The following THSD7A variants were observed in gnomAD, a reference collection of about 807,000 sequenced individuals.
The protein encoded by THSD7A is thrombospondin type 1 domain containing 7A.
In THSD7A, 96 loss-of-function variants were observed where a neutral mutation model predicts 231.3. The observed-to-expected ratio is 0.41, with a 90% CI of 0.35 to 0.49. The LOEUF is 0.49. Ranked by LOEUF, THSD7A falls within the 20% of genes least tolerant of loss-of-function variation. THSD7A has a pLI of 0.05. For missense variants in THSD7A, 2,290 were observed against 2,070.2 expected (o/e 1.11, Z -2.06); for synonymous variants, 940 against 743.3 (o/e 1.26, Z -4.30).
At chr7:11,823,494 TG>T (rs1784931781) in intron 1 of THSD7A, among the ~76,000 whole-genome samples, 1 of 152,064 alleles carries the variant, frequency 6.6e-6, no homozygotes, top group South Asian at 2.1e-4. Context: ...CTGTGAAACA[TG>T]GCATTGGTAT....
At chr7:11,530,099 A>T (rs1316453713) in intron 6 of THSD7A, among the ~76,000 whole-genome samples, 2 of 152,222 alleles carry the variant, frequency 1.3e-5, no homozygotes, top group African/African-American at 2.4e-5. Context: ...ACCGGTCTCC[A>T]GAAAGTTAAA....
intron 18 of THSD7A, among the ~76,000 whole-genome samples, chr7:11,412,057 C>T (rs907566553): frequency 2.0e-5 from 3 of 151,998 alleles, no homozygotes; most frequent in Non-Finnish European, 2.9e-5. Context: ...TCGTGTTGCC[C>T]CAATTCATAT....
At chr7:11,514,928 C>G (rs58658066) in intron 6 of THSD7A, among the ~76,000 whole-genome samples, 18,220 of 152,124 alleles carry the variant, frequency 0.12, 1,147 homozygotes, top group Middle Eastern at 0.16. Context: ...ACAGTGCCTT[C>G]TGTTACTCCA....
chr7:11,433,398 G>A (rs1410282205), intron 13 of THSD7A, among the ~76,000 whole-genome samples: 2 of 151,878 alleles, frequency 1.3e-5, no homozygotes, highest in African/African-American at 2.4e-5. Flanking sequence ...CTTTAAATAA[G>A]TTATAGTTTA....
In THSD7A at chr7:11,831,791, C is replaced by T. The variant is rs1204003508; in HGVS notation, c.156G>A (p.Glu52=). 7.4e-6 allele frequency: 11 copies of T among 1,477,634 alleles called. No homozygotes were observed. Among genetic ancestry groups the T allele is most frequent in the Non-Finnish European group, 9.9e-6 (11 of 1,111,182 alleles). The allele number at this position is 1,477,634 out of a possible 1,614,324, so 91.5% of individuals were successfully genotyped here. ...PGAGRAAAQG[E]AEAPTLYLWK... ...ACAGATAGAGGGTGGGCGCCTCCGC[C>T]TCGCCCTGCGCCGCAGCCCTGCCGG... Residue 52 remains glutamate (E), a synonymous_variant, in exon 1 of 28, where the codon GAG becomes GAA. Coordinates refer to ENST00000423059, the MANE Select transcript of THSD7A (RefSeq NM_015204.3). The surrounding 1 kb of genome is among the most constrained non-coding windows in gnomAD (Gnocchi z 5.0).
At chr7:11,539,592 T>C (rs917747488) in intron 6 of THSD7A, among the ~76,000 whole-genome samples, 1 of 152,222 alleles carries the variant, frequency 6.6e-6, no homozygotes, top group Non-Finnish European at 1.5e-5. Context: ...GCTTGTTTTT[T>C]AGTGTTTTTT....
intron 1 of THSD7A, among the ~76,000 whole-genome samples, chr7:11,671,980 C>G (rs989605055): frequency 2.6e-5 from 4 of 152,120 alleles, no homozygotes; most frequent in African/African-American, 9.7e-5. Context: ...CTTCATTTCT[C>G]TCACTTTTTA....
chr7:11,375,946 G>GA (rs1404974048), intron 27 of THSD7A, 68 bp from the exon 28 acceptor site: 39 of 1,456,570 alleles, frequency 2.7e-5, no homozygotes, highest in Admixed American at 3.7e-5. Flanking sequence ...TGCTTTAAGC[G>GA]AAAAAAAAGT....
At chr7:11,380,026 T>C (rs1168298113) in intron 24 of THSD7A, among the ~76,000 whole-genome samples, 1 of 152,198 alleles carries the variant, frequency 6.6e-6, no homozygotes, top group Non-Finnish European at 1.5e-5. Flanking sequence ...CAGGAGCACA[T>C]GAATCCAAGT....
intron 4 of THSD7A, among the ~76,000 whole-genome samples, chr7:11,564,463 C>T (rs754233100): frequency 2.0e-5 from 3 of 152,208 alleles, no homozygotes; most frequent in Non-Finnish European, 4.4e-5. Context: ...CTTCAGTCTT[C>T]ACTCTTCCAA....
At position 11,412,663 on chromosome 7, in the gene THSD7A, A is replaced by G. The variant is rs1457750427; in HGVS notation, c.3675T>C (p.Asn1225=). 1.2e-6 allele frequency: 2 copies of G among 1,613,660 alleles called. No homozygotes were observed. Among genetic ancestry groups the G allele is most frequent in the East Asian group, 2.2e-5 (1 of 44,880 alleles). Residue 1225 remains asparagine (N), a synonymous_variant, in exon 18 of 28, where the codon AAT becomes AAC. Coordinates refer to ENST00000423059, the MANE Select transcript of THSD7A (RefSeq NM_015204.3). ...AGATGATGATCCATGTACCTGTTACATTATAATCATAGTGGTAGCAGTTTT... is the reference window on the plus strand; with the variant it reads ...AGATGATGATCCATGTACCTGTTACGTTATAATCATAGTGGTAGCAGTTTT... ...LNKNCYHYDY[N]VTDWSTCQLS... is the part of the protein sequence containing the mutation.
chr7:11,401,813 C>T lies in THSD7A; in HGVS notation c.4393G>A (p.Glu1465Lys). ...NQHLCPEQML[E>K]TKSCYDGQCY... ...CACTCACCATAACATGATTTTGTTTCTAACATCTGCTCTGGGCACAGATGC... is the reference window on the plus strand; with the variant it reads ...CACTCACCATAACATGATTTTGTTTTTAACATCTGCTCTGGGCACAGATGC... The change falls in exon 23 of 28, where the codon GAA (glutamate) becomes AAA (lysine). Residue 1465 changes from glutamate (E) to lysine (K), a missense_variant. Coordinates refer to ENST00000423059, the MANE Select transcript of THSD7A (RefSeq NM_015204.3). 1 of 1,612,998 alleles carries T rather than the reference C, an allele frequency of 6.2e-7. No homozygotes were observed. Among genetic ancestry groups the T allele is most frequent in the Non-Finnish European group, 8.5e-7 (1 of 1,179,520 alleles).
At chr7:11,812,850 A>T (rs917128971) in intron 1 of THSD7A, among the ~76,000 whole-genome samples, 19 of 152,206 alleles carry the variant, frequency 1.2e-4, no homozygotes, top group African/African-American at 4.6e-4. Context: ...TGCTGGTTTT[A>T]AACTAAGAGT....
chr7:11,530,403 GT>G (rs1394181136), intron 6 of THSD7A, among the ~76,000 whole-genome samples: 1 of 152,070 alleles, frequency 6.6e-6, no homozygotes, highest in Non-Finnish European at 1.5e-5. Flanking sequence ...AATATGTGAT[GT>G]TTAGGGATAA....
chr7:11,785,114 AG>A (rs1783747745), intron 1 of THSD7A, among the ~76,000 whole-genome samples: 1 of 152,108 alleles, frequency 6.6e-6, no homozygotes, highest in South Asian at 2.1e-4. Context: ...TTCCTGCAAA[AG>A]TTCAAGACCC....
intron 1 of THSD7A, among the ~76,000 whole-genome samples, chr7:11,808,614 T>G (rs1352990345): frequency 6.6e-6 from 1 of 152,176 alleles, no homozygotes; most frequent in Non-Finnish European, 1.5e-5. Flanking sequence ...AATACTGAGA[T>G]AGATGGCTTG....
chr7:11,399,446 A>G (rs78045607), intron 23 of THSD7A, among the ~76,000 whole-genome samples: 1,583 of 136,424 alleles, frequency 0.012, 84 homozygotes, highest in Admixed American at 0.085. Context: ...AAAACAATCT[A>G]TTGGTTTTGT....
At chr7:11,598,703 C>T (rs1460726702) in intron 2 of THSD7A, among the ~76,000 whole-genome samples, 1 of 152,184 alleles carries the variant, frequency 6.6e-6, no homozygotes, top group East Asian at 1.9e-4. Context: ...CTCTTTCTCC[C>T]ATAGCCAGAA....
At chr7:11,789,361 C>T (rs1263864413) in intron 1 of THSD7A, among the ~76,000 whole-genome samples, 1 of 151,884 alleles carries the variant, frequency 6.6e-6, no homozygotes, top group South Asian at 2.1e-4. Flanking sequence ...TAAGAAAGGG[C>T]GTGGCATGAT....
Sources: gnomAD v4.1 joint callset for allele counts (sites outside exome capture counted in the v4.1 genomes callset) on GRCh38, gnomAD v4.1.1 for gene constraint, Gnocchi (gnomAD v3.1) non-coding constraint, MANE v1.5 for transcripts, NCBI Gene and HGNC (gene_info 2026-07-23, HGNC 2026-07-21) for gene names.